TRIB2: variants seen among roughly 807,000 people sequenced by gnomAD.
TRIB2 encodes tribbles homolog 2.
In TRIB2, 2 loss-of-function variants were observed where a neutral mutation model predicts 26.8. The observed-to-expected ratio is 0.07, with a 90% CI of 0.03 to 0.24. The LOEUF (loss-of-function observed/expected upper bound fraction) is 0.24. TRIB2 is among the 10% of genes least tolerant of loss of function. TRIB2 has a pLI of 1.00. For synonymous variants in TRIB2, 189 were observed against 187.3 expected (o/e 1.01, Z -0.08); for missense variants, 306 against 449.0 (o/e 0.68, Z 2.88).
intron 2 of TRIB2, among the ~76,000 whole-genome samples, chr2:12,728,284 T>C (rs1401078808): frequency 6.6e-6 from 1 of 152,208 alleles, no homozygotes; most frequent in Non-Finnish European, 1.5e-5. Context: ...TAGCACACAG[T>C]CAGCCATCAG....
At position 12,723,352 on chromosome 2, in the gene TRIB2, G is replaced by T. The variant is rs2103250598; in HGVS notation, c.363G>T (p.Leu121=). 1 of 1,614,228 alleles carries T rather than the reference G, an allele frequency of 6.2e-7. No individual in the cohort carries two copies. The highest frequency in any genetic ancestry group is 1.3e-5 in the African/African-American group (1 of 75,050). ...TCAACCAAATCACTGAAATTATCCT[G>T]GGTGAGACCAAAGCCTATGTGTTCT... The part of the protein sequence containing the change: ...SNINQITEII[L]GETKAYVFFE... Residue 121 remains leucine, a synonymous_variant, in exon 2 of 3, where the codon CTG becomes CTT. Coordinates refer to ENST00000155926, the MANE Select transcript of TRIB2 (RefSeq NM_021643.4).
intron 1 of TRIB2, among the ~76,000 whole-genome samples, chr2:12,722,043 A>G (rs1457531385): frequency 6.6e-6 from 1 of 152,194 alleles, no homozygotes; most frequent in Non-Finnish European, 1.5e-5. Flanking sequence ...TCTTCATTTT[A>G]TGAAGAGGAG....
At position 12,718,894 on chromosome 2, in the gene TRIB2, G is replaced by A. The variant is rs193000701; in HGVS notation, c.270+317G>A. On this transcript the variant is annotated intron_variant, in intron 1 of 2. Transcript: ENST00000155926. The surrounding 1 kb of genome is among the most constrained non-coding windows in gnomAD (Gnocchi z 4.0). Reference sequence around the variant, plus strand: ...GCGCGAGGCCGGGTCCCGCTGCCCGGGGGGGATTTCTTCCTGTGTCTAGCC... The same window carrying A: ...GCGCGAGGCCGGGTCCCGCTGCCCGAGGGGGATTTCTTCCTGTGTCTAGCC... 0.012 allele frequency among the ~76,000 whole-genome samples: 1,757 copies of A among 152,164 alleles called. 16 individuals carry two copies. Among genetic ancestry groups the A allele is most frequent in the Admixed American group, 0.026 (399 of 15,306 alleles).
rs966284889 is a variant in TRIB2, at chr2:12,717,982, A to G, written c.-326A>G. 19 of 310,280 alleles carry G rather than the reference A, an allele frequency of 6.1e-5. No individual in the cohort carries two copies. Among genetic ancestry groups the G allele is most frequent in the African/African-American group, 3.8e-4 (18 of 46,848 alleles). 19.2% of individuals were successfully genotyped at this position (310,280 alleles called of 1,614,324 possible). On this transcript the variant is annotated 5_prime_UTR_variant, in exon 1 of 3. Transcript: ENST00000155926. This position sits in a 1 kb window ranked among gnomAD's most constrained non-coding sequence, Gnocchi z 4.8. Reference sequence around the variant, plus strand: ...AGCTCCGCACCTTAGCAGCCCGGGTACTCATCCAGATCCACGCCGGGGACA... The same window carrying G: ...AGCTCCGCACCTTAGCAGCCCGGGTGCTCATCCAGATCCACGCCGGGGACA...
At chr2:12,721,530 A>C (rs1185898251) in intron 1 of TRIB2, among the ~76,000 whole-genome samples, 1 of 152,216 alleles carries the variant, frequency 6.6e-6, no homozygotes, top group East Asian at 1.9e-4. Flanking sequence ...GCCTGCATTC[A>C]GGGTGTTAAA....
Position 12,723,495 on chromosome 2 carries a change from G to C in TRIB2, c.506G>C (p.Gly169Ala). Reference sequence around the variant, plus strand: ...TCGGCAGTGGCCCACTGCCATGACGGGGGGCTGGTGCTGCGGGACCTCAAG... The same window carrying C: ...TCGGCAGTGGCCCACTGCCATGACGCGGGGCTGGTGCTGCGGGACCTCAAG... ...IASAVAHCHD[G>A]GLVLRDLKLR... The change falls in exon 2 of 3, where the codon GGG (glycine) becomes GCG (alanine). Residue 169 changes from glycine to alanine, a missense_variant. By Grantham distance (60) the Gly-to-Ala change is moderately conservative (BLOSUM62 0). This residue lies in a region of TRIB2 where 118 missense variants were observed against 188.8 expected (regional missense o/e 0.63). Coordinates refer to ENST00000155926, the MANE Select transcript of TRIB2 (RefSeq NM_021643.4). The C allele has an allele frequency of 6.2e-7, 1 of 1,614,184 alleles. No homozygotes were observed. Among genetic ancestry groups the C allele is most frequent in the East Asian group, 2.2e-5 (1 of 44,882 alleles).
At chr2:12,727,170 A>G (rs1661355237) in intron 2 of TRIB2, among the ~76,000 whole-genome samples, 1 of 152,156 alleles carries the variant, frequency 6.6e-6, no homozygotes, top group Non-Finnish European at 1.5e-5. Flanking sequence ...AAGTCATTGA[A>G]TGTTTCTAAG....
intron 2 of TRIB2, among the ~76,000 whole-genome samples, chr2:12,739,876 C>T (rs1052975753): frequency 1.3e-5 from 2 of 152,168 alleles, no homozygotes; most frequent in Non-Finnish European, 2.9e-5. Flanking sequence ...TGTGGTCTGT[C>T]ATGTTAGTTA....
chr2:12,724,604 C>T lies in TRIB2; in HGVS notation c.563+1052C>T, dbSNP rs188780828. The T allele has an allele frequency of 4.4e-5, 71 of 1,603,460 alleles. No individual in the cohort carries two copies. In the African/African-American group the frequency reaches 8.7e-4, roughly 20 times the overall value. ...TTGGAAGATTTAGAGTGTGGAACCA[C>T]ATTTACCTTTTCTCTTCCGCTCAGA... is the stretch of plus-strand genomic sequence containing the variant. On this transcript the variant is annotated intron_variant, in intron 2 of 2. Coordinates refer to ENST00000155926, the MANE Select transcript of TRIB2 (RefSeq NM_021643.4).
rs1460771194 is a variant in TRIB2 at position 12,742,639 on chromosome 2, TG to T, written c.*1849del. 6.6e-6 allele frequency: 1 copy of T among 152,378 alleles called. No homozygotes were observed. Among genetic ancestry groups the T allele is most frequent in the Non-Finnish European group, 1.5e-5 (1 of 68,000 alleles). 9.4% of individuals were successfully genotyped at this position (152,378 alleles called of 1,614,324 possible). On this transcript the variant is annotated 3_prime_UTR_variant, in exon 3 of 3. Coordinates refer to ENST00000155926, the MANE Select transcript of TRIB2 (RefSeq NM_021643.4). ...GAGGAGAGGTTGGTGACATGCATGGTGGGGATCTATGGCCTCTGGTGCTTTG... is the reference window on the plus strand; with the variant it reads ...GAGGAGAGGTTGGTGACATGCATGGTGGGATCTATGGCCTCTGGTGCTTTG...
At chr2:12,734,895 G>C (rs1271504263) in intron 2 of TRIB2, among the ~76,000 whole-genome samples, 4 of 152,170 alleles carry the variant, frequency 2.6e-5, no homozygotes, top group Non-Finnish European at 5.9e-5. Flanking sequence ...TTGCAAGACT[G>C]TTCATTCATT....
At chr2:12,734,962 C>T (rs905716490) in intron 2 of TRIB2, among the ~76,000 whole-genome samples, 5 of 152,214 alleles carry the variant, frequency 3.3e-5, no homozygotes, top group Non-Finnish European at 5.9e-5. Context: ...CATACACATT[C>T]TTGAGACCGT....
chr2:12,731,008 G>T (rs555160237), intron 2 of TRIB2, among the ~76,000 whole-genome samples: 1 of 152,146 alleles, frequency 6.6e-6, no homozygotes, highest in African/African-American at 2.4e-5. Context: ...ATTCTATCTC[G>T]CAAACATTTA....
chr2:12,726,573 C>T (rs997974666), intron 2 of TRIB2, among the ~76,000 whole-genome samples: 3 of 152,164 alleles, frequency 2.0e-5, no homozygotes, highest in African/African-American at 4.8e-5. Flanking sequence ...TCAACAACAT[C>T]GAAAGTGTAA....
At position 12,717,378 on chromosome 2, in the gene TRIB2, G is replaced by C; in HGVS notation, c.-930G>C. 2.5e-6 allele frequency: 1 copy of C among 398,466 alleles called. No individual in the cohort carries two copies. The highest frequency in any genetic ancestry group is 4.4e-6 in the Non-Finnish European group (1 of 226,006). 24.7% of individuals were successfully genotyped at this position (398,466 alleles called of 1,614,324 possible). A position where few individuals can be genotyped will look rare whatever the true frequency, so the allele number is the denominator to read the frequency against. ...GCTCGTGCCGGCGAAATCGGAGACC[G>C]CCGATCTGTCCTCGTTCTCTCCTGC... On this transcript the variant is annotated 5_prime_UTR_variant, in exon 1 of 3. Coordinates refer to ENST00000155926, the MANE Select transcript of TRIB2 (RefSeq NM_021643.4). This position sits in a 1 kb window ranked among gnomAD's most constrained non-coding sequence, Gnocchi z 4.8.
intron 2 of TRIB2, among the ~76,000 whole-genome samples, chr2:12,723,913 A>G (rs1022298671): frequency 1.3e-5 from 2 of 152,342 alleles, no homozygotes; most frequent in Non-Finnish European, 2.9e-5. Context: ...AGCAGCCAGA[A>G]TCAGTCATTT....
At chr2:12,724,940 A>C (rs1387427325) in intron 2 of TRIB2, 2 of 1,413,852 alleles carry the variant, frequency 1.4e-6, no homozygotes, top group Non-Finnish European at 1.9e-6. Context: ...ACCTACAAAA[A>C]TAAGAGGTCA....
rs536785578 is a variant in TRIB2 at position 12,728,261 on chromosome 2, G to C, written c.563+4709G>C. ...AGCACACAGTCAGCCATCAGCAGACGGGAGCTCCTACCTAGCACACAGTCA... is the reference window on the plus strand; with the variant it reads ...AGCACACAGTCAGCCATCAGCAGACCGGAGCTCCTACCTAGCACACAGTCA... On this transcript the variant is annotated intron_variant, in intron 2 of 2. Transcript: ENST00000155926. 2.0e-5 allele frequency among the ~76,000 whole-genome samples: 3 copies of C among 151,704 alleles called. No homozygotes were observed. In the South Asian group the frequency reaches 6.2e-4, roughly 32 times the overall value.
intron 2 of TRIB2, among the ~76,000 whole-genome samples, chr2:12,734,863 G>C (rs1216749725): frequency 6.6e-6 from 1 of 152,156 alleles, no homozygotes; most frequent in African/African-American, 2.4e-5. Context: ...ATAATGCCCA[G>C]ACTGTGAGGG....
Sources: gnomAD v4.1 joint callset for allele counts (sites outside exome capture counted in the v4.1 genomes callset) on GRCh38, gnomAD v4.1.1 for gene constraint, gnomAD v4.1.1 regional missense constraint, Gnocchi (gnomAD v3.1) non-coding constraint, MANE v1.5 for transcripts, NCBI Gene and HGNC (gene_info 2026-07-23, HGNC 2026-07-21) for gene names.